Variants in PLEKHS1 observed in about 807,000 individuals in gnomAD.
PLEKHS1 encodes pleckstrin homology domain containing S1.
Under a neutral mutation model 51.0 loss-of-function variants are expected in PLEKHS1, and 55 were observed. The ratio of observed to expected loss-of-function variants is 1.08; its 90% confidence interval spans 0.87 to 1.35. PLEKHS1 has a LOEUF of 1.35. Ranked by LOEUF, PLEKHS1 falls within the 40% of genes most tolerant of loss-of-function variation. The pLI, the probability that PLEKHS1 is intolerant of heterozygous loss-of-function variation, is 0.00. For missense variants in PLEKHS1, 398 were observed against 423.0 expected, an observed-to-expected ratio of 0.94 and a Z score of 0.52; for synonymous variants, 153 against 144.8, an observed-to-expected ratio of 1.06 and a Z score of -0.41.
intron 8 of PLEKHS1, among the ~76,000 whole-genome samples, chr10:113,773,845 C>G (rs1405285932): frequency 2.0e-5 from 3 of 152,184 alleles, no homozygotes; most frequent in African/African-American, 7.2e-5. Flanking sequence ...TAACCTGAGA[C>G]CAGCTTCACA....
intron 2 of PLEKHS1, among the ~76,000 whole-genome samples, chr10:113,760,474 C>CA (rs531086053): frequency 0.012 from 1,702 of 145,656 alleles, 12 homozygotes; most frequent in Non-Finnish European, 0.016. Flanking sequence ...GGCTACATCT[C>CA]AAAAAAAAAA....
chr10:113,774,930 C>A lies in PLEKHS1; in HGVS notation c.884C>A (p.Ser295Ter), dbSNP rs1777621708. ...GACCTCCACCTGCAAGAACAAGGCTCAGGAATTGATTGGTGTCTTTCCCCT... is the reference window on the plus strand; with the variant it reads ...GACCTCCACCTGCAAGAACAAGGCTAAGGAATTGATTGGTGTCTTTCCCCT... The change falls in exon 10 of 12, where the codon TCA (serine) becomes TAA (stop). Residue 295 changes from serine (S) to a stop codon, truncating the protein, a stop_gained. Transcript: ENST00000361048. LOFTEE classifies it high-confidence loss of function. 6.2e-7 allele frequency: 1 copy of A among 1,614,060 alleles called. No individual in the cohort carries two copies. The highest frequency in any genetic ancestry group is 1.3e-5 in the African/African-American group (1 of 74,910).
chr10:113,764,705 GACTCCTATT>G (rs1322772918), intron 2 of PLEKHS1: 2 of 152,050 alleles, frequency 1.3e-5, no homozygotes, highest in African/African-American at 4.8e-5. Flanking sequence ...TCACTTCAGG[GACTCCTATT>G]ACTTATATAC....
intron 7 of PLEKHS1, 92 bp downstream of exon 7, chr10:113,769,992 C>G (rs1355874065): frequency 2.2e-6 from 2 of 905,194 alleles, no homozygotes; most frequent in Non-Finnish European, 3.7e-6. Context: ...TTTAACCATG[C>G]CCACCTTCCT....
chr10:113,756,974 T>C (rs554358442), intron 2 of PLEKHS1, among the ~76,000 whole-genome samples: 2 of 142,344 alleles, frequency 1.4e-5, no homozygotes, highest in Non-Finnish European at 3.0e-5. Context: ...TGGAGTGCAG[T>C]GGTGCGATCT....
intron 10 of PLEKHS1, 72 bp from the exon 11 acceptor site, chr10:113,775,693 T>C: frequency 2.1e-6 from 2 of 949,658 alleles, no homozygotes; most frequent in Non-Finnish European, 3.2e-6. Context: ...AGGCCAAAAG[T>C]CTACTCAGAA....
At chr10:113,760,879 T>G (rs1843892795) in intron 2 of PLEKHS1, among the ~76,000 whole-genome samples, 3 of 152,214 alleles carry the variant, frequency 2.0e-5, no homozygotes. Context: ...AAGAATACAT[T>G]GTCAAATCCA....
chr10:113,780,789 C>T, exon 12 of PLEKHS1: 2 of 1,540,960 alleles, frequency 1.3e-6, no homozygotes, highest in African/African-American at 2.7e-5. Flanking sequence ...TAACGCACCC[C>T]AGACCCATGG....
Position 113,776,314 on chromosome 10 carries a change from A to C in PLEKHS1, c.1091+448A>C, listed in dbSNP as rs185036488. 4.6e-5 allele frequency among the ~76,000 whole-genome samples: 7 copies of C among 152,344 alleles called. No individual in the cohort carries two copies. In the East Asian group the frequency reaches 1.3e-3, roughly 29 times the overall value. On this transcript the variant is annotated intron_variant, in intron 11 of 11. Coordinates refer to ENST00000361048, the Ensembl canonical transcript of PLEKHS1. ...AAAAAAACAAAAAACAAAAACTGCTAGTCACAGACACAGACACAAAAGACT... is the reference window on the plus strand; with the variant it reads ...AAAAAAACAAAAAACAAAAACTGCTCGTCACAGACACAGACACAAAAGACT...
chr10:113,762,365 C>CTTTTTTTTTTTTT (rs34457408), intron 2 of PLEKHS1, among the ~76,000 whole-genome samples: 121 of 61,798 alleles, frequency 2.0e-3, no homozygotes, highest in Non-Finnish European at 2.2e-3. Context: ...AGATTTGTTC[C>CTTTTTTTTTTTTT]TTTTTTTTTT....
At chr10:113,754,730 C>T (rs111763046) in intron 1 of PLEKHS1, among the ~76,000 whole-genome samples, 1,703 of 152,200 alleles carry the variant, frequency 0.011, 35 homozygotes, top group African/African-American at 0.039. Flanking sequence ...ATGATCTACC[C>T]GCCTCAGCCT....
chr10:113,777,543 G>C (rs1349910426), intron 11 of PLEKHS1: 3 of 1,552,290 alleles, frequency 1.9e-6, no homozygotes, highest in East Asian at 4.9e-5. Context: ...GACTGGTGCA[G>C]GGATTCCAAA....
intron 2 of PLEKHS1, among the ~76,000 whole-genome samples, chr10:113,758,025 C>T (rs748240680): frequency 9.2e-5 from 14 of 152,322 alleles, no homozygotes; most frequent in Non-Finnish European, 2.1e-4. Flanking sequence ...TTCACCACAT[C>T]TGCAGTGACT....
intron 2 of PLEKHS1, among the ~76,000 whole-genome samples, chr10:113,761,872 A>AT (rs1424402819): frequency 6.6e-6 from 1 of 151,962 alleles, no homozygotes; most frequent in Non-Finnish European, 1.5e-5. Flanking sequence ...CTTCTCTTCA[A>AT]TTTTTTTGGG....
At chr10:113,755,382 G>A in intron 2 of PLEKHS1, 77 bp downstream of exon 2, 1 of 1,546,096 alleles carries the variant, frequency 6.5e-7, no homozygotes, top group Non-Finnish European at 8.7e-7. Flanking sequence ...AGCTAACCAG[G>A]ATACAGAACT....
chr10:113,761,724 T>C (rs1163938318), intron 2 of PLEKHS1, among the ~76,000 whole-genome samples: 2 of 152,002 alleles, frequency 1.3e-5, no homozygotes, highest in Admixed American at 1.3e-4. Context: ...ATGATTTTAT[T>C]TCATTCTTTT....
At chr10:113,766,684 G>A (rs1195041192) in exon 4 of PLEKHS1, 36 of 1,611,772 alleles carry the variant, frequency 2.2e-5, no homozygotes, top group Non-Finnish European at 3.1e-5. Context: ...CTATTATAAA[G>A]ACCATCATCA....
At chr10:113,752,347 A>T (rs946927902) in intron 1 of PLEKHS1, among the ~76,000 whole-genome samples, 2 of 152,244 alleles carry the variant, frequency 1.3e-5, no homozygotes, top group Non-Finnish European at 2.9e-5. Context: ...AATTATATGT[A>T]TACATATACA....
chr10:113,767,307 T>C, intron 4 of PLEKHS1, 38 bp from the exon 5 acceptor site: 1 of 1,463,600 alleles, frequency 6.8e-7, no homozygotes, highest in Non-Finnish European at 9.2e-7. Context: ...TATTTCTGTA[T>C]TTACCTTGGT....
Sources: allele counts gnomAD v4.1 joint callset (sites outside exome capture counted in the v4.1 genomes callset), GRCh38; gene constraint gnomAD v4.1.1; transcripts MANE v1.5; gene names NCBI Gene and HGNC (gene_info 2026-07-23, HGNC 2026-07-21).